The following SPEG variants were observed in gnomAD, a reference collection of about 807,000 sequenced individuals.
SPEG encodes striated muscle preferentially expressed protein kinase.
In SPEG, 114 loss-of-function variants were observed where a neutral mutation model predicts 300.4. That is an observed-to-expected ratio of 0.38 (90% CI 0.33 to 0.44). The LOEUF (loss-of-function observed/expected upper bound fraction) is 0.44, where lower values mean the gene tolerates loss of function less well. SPEG is among the 20% of genes least tolerant of loss of function. SPEG has a pLI of 1.00. For synonymous variants in SPEG, 1,964 were observed against 2,018.9 expected, an observed-to-expected ratio of 0.97 and a Z score of 0.73; for missense variants, 4,201 against 4,586.2, an observed-to-expected ratio of 0.92 and a Z score of 2.43.
At chr2:219,469,132 G>A in intron 12 of SPEG, 24 bp from the exon 13 acceptor site, 2 of 1,613,048 alleles carry the variant, frequency 1.2e-6, no homozygotes, top group East Asian at 2.2e-5. Context: ...CCCTGGGCCT[G>A]TGGGCAGCTG....
At chr2:219,454,686 G>T (rs950722244) in intron 6 of SPEG, among the ~76,000 whole-genome samples, 9 of 152,236 alleles carry the variant, frequency 5.9e-5, no homozygotes, top group Non-Finnish European at 1.0e-4. Flanking sequence ...CAGGCCAGCA[G>T]CCTTTATTTA....
Position 219,448,592 on chromosome 2 carries a change from C to A in SPEG, c.1434C>A (p.Asp478Glu). Residue 478 changes from aspartate to glutamate, a missense_variant, in exon 4 of 41, where the codon GAC becomes GAA. Physicochemically the swap from Asp to Glu is conservative, Grantham distance 45. Coordinates refer to ENST00000312358, the MANE Select transcript of SPEG (RefSeq NM_005876.5). ...RLFQQKAASL[D>E]ERTRQRSPAS... Reference sequence around the variant, plus strand: ...TCCAGCAGAAAGCGGCCTCGCTGGACGAGCGCACGCGTCAGCGCAGCCCGG... The same window carrying A: ...TCCAGCAGAAAGCGGCCTCGCTGGAAGAGCGCACGCGTCAGCGCAGCCCGG... The A allele has an allele frequency of 1.4e-6, 2 of 1,458,282 alleles. No homozygotes were observed. Among genetic ancestry groups the A allele is most frequent in the Admixed American group, 2.6e-5 (1 of 39,160 alleles). The allele number at this position is 1,458,282 out of a possible 1,614,324, so 90.3% of individuals were successfully genotyped here.
At chr2:219,482,912 T>TC in intron 29 of SPEG, 60 bp downstream of exon 29, 1 of 1,549,516 alleles carries the variant, frequency 6.5e-7, no homozygotes. Flanking sequence ...AGCACTGCCT[T>TC]CCCCCTCCCG....
At chr2:219,450,171 G>A (rs551963359) in intron 4 of SPEG, among the ~76,000 whole-genome samples, 1 of 152,210 alleles carries the variant, frequency 6.6e-6, no homozygotes, top group South Asian at 2.1e-4. Context: ...AGATAATTAG[G>A]CCCCTGTCCA....
Position 219,467,214 on chromosome 2 carries a change from G to A in SPEG, c.2922G>A (p.Leu974=), listed in dbSNP as rs746219743. ...ESRSLAVLAP[L]QDVDVGAGEM... ...GGTCCCTGGCCGTGCTGGCCCCCCT[G>A]CAGGACGTGGACGTGGGGGCCGGGG... is the stretch of plus-strand genomic sequence containing the variant. Residue 974 remains leucine (L), a synonymous_variant, in exon 10 of 41, where the codon CTG becomes CTA. Coordinates refer to ENST00000312358, the MANE Select transcript of SPEG (RefSeq NM_005876.5). 5.9e-5 allele frequency: 94 copies of A among 1,595,040 alleles called. No homozygotes were observed. In the South Asian group the frequency reaches 1.0e-3, roughly 17 times the overall value.
rs558863508 is a variant in SPEG at position 219,479,006 on chromosome 2, C to T, written c.5028-138C>T. Reference sequence around the variant, plus strand: ...TGGGGAGGGGGTACACGTGGAGGAGCGGAGAGGCAGTCTCTGGCTAGTATC... The same window carrying T: ...TGGGGAGGGGGTACACGTGGAGGAGTGGAGAGGCAGTCTCTGGCTAGTATC... On this transcript the variant is annotated intron_variant, in intron 22 of 40. Coordinates refer to ENST00000312358, the MANE Select transcript of SPEG (RefSeq NM_005876.5). The surrounding 1 kb of genome is among the most constrained non-coding windows in gnomAD (Gnocchi z 5.5). 35 of 718,666 alleles carry T rather than the reference C, an allele frequency of 4.9e-5. No homozygotes were observed. The highest frequency in any genetic ancestry group is 4.3e-4 in the African/African-American group (25 of 57,832). 44.5% of individuals were successfully genotyped at this position (718,666 alleles called of 1,614,324 possible).
rs1287557919 is a variant in SPEG, at chr2:219,464,621, T to G, written c.2881+13T>G. 2 of 1,611,500 alleles carry G rather than the reference T, an allele frequency of 1.2e-6. No homozygotes were observed. The highest frequency in any genetic ancestry group is 1.7e-6 in the Non-Finnish European group (2 of 1,177,972). ...TTGGAGGTCCGAGGTGAGTACCTGA[T>G]TTCTCCATGAATGCCCACCTGGCCC... On this transcript the variant is annotated intron_variant, in intron 9 of 40. Transcript: ENST00000312358. The surrounding 1 kb of genome is among the most constrained non-coding windows in gnomAD (Gnocchi z 4.5).
Position 219,448,603 on chromosome 2 carries a change from G to A in SPEG, c.1445G>A (p.Arg482His), listed in dbSNP as rs1689498421. Residue 482 changes from arginine (R) to histidine (H), a missense_variant, in exon 4 of 41, where the codon CGT (arginine) becomes CAT (histidine). This residue lies in a region of SPEG where 1,258 missense variants were observed against 1,293.9 expected (regional missense o/e 0.97). Transcript: ENST00000312358. ...QKAASLDERT[R>H]QRSPASDLEL... ...GCGGCCTCGCTGGACGAGCGCACGC[G>A]TCAGCGCAGCCCGGCCTCAGACCTC... 1.4e-6 allele frequency: 2 copies of A among 1,471,998 alleles called. No homozygotes were observed. The highest frequency in any genetic ancestry group is 2.6e-5 in the South Asian group (2 of 76,654). 91.2% of individuals were successfully genotyped at this position (1,471,998 alleles called of 1,614,324 possible).
At position 219,451,319 on chromosome 2, in the gene SPEG, G is replaced by T; in HGVS notation, c.2257+40G>T. The T allele has an allele frequency of 3.2e-6, 5 of 1,566,042 alleles. No homozygotes were observed. The highest frequency in any genetic ancestry group is 4.3e-6 in the Non-Finnish European group (5 of 1,158,790). ...TGGGCCAAGGTGCGGTCGAGGTTGG[G>T]AGGGGGTGTGTGAGAAGGGAAGGGG... On this transcript the variant is annotated intron_variant, in intron 5 of 40. Coordinates refer to ENST00000312358, the MANE Select transcript of SPEG (RefSeq NM_005876.5). This position sits in a 1 kb window ranked among gnomAD's most constrained non-coding sequence, Gnocchi z 6.4.
Position 219,488,289 on chromosome 2 carries a change from C to T in SPEG, c.7837C>T (p.Pro2613Ser), listed in dbSNP as rs755563939. Residue 2613 changes from proline (P) to serine (S), a missense_variant, in exon 32 of 41, where the codon CCG becomes TCG. Transcript: ENST00000312358. ...LLCLPAACPA[P>S]HISWMKDKKS... is the part of the protein sequence containing the mutation. ...CTGCCTGCCAGCGGCCTGCCCTGCA[C>T]CGCACATCTCCTGGATGAAAGGTAA... 4 of 1,611,922 alleles carry T rather than the reference C, an allele frequency of 2.5e-6. No homozygotes were observed. In the South Asian group the frequency reaches 4.4e-5, roughly 18 times the overall value.
At position 219,445,176 on chromosome 2, in the gene SPEG, T is replaced by C. The variant is rs766693578; in HGVS notation, c.815+15T>C. ...TCTATCCACGTGTAAGTAACGGCCTTACCTGGGCCTGAACTGCCCCATCTC... is the reference window on the plus strand; with the variant it reads ...TCTATCCACGTGTAAGTAACGGCCTCACCTGGGCCTGAACTGCCCCATCTC... On this transcript the variant is annotated intron_variant, in intron 3 of 40. Transcript: ENST00000312358. The surrounding 1 kb of genome is among the most constrained non-coding windows in gnomAD (Gnocchi z 6.1). 6.4e-6 allele frequency: 10 copies of C among 1,555,538 alleles called. No individual in the cohort carries two copies. In the African/African-American group the frequency reaches 1.4e-4, roughly 21 times the overall value.
intron 31 of SPEG, among the ~76,000 whole-genome samples, chr2:219,487,228 G>A (rs1424325293): frequency 6.6e-6 from 1 of 152,150 alleles, no homozygotes; most frequent in Non-Finnish European, 1.5e-5. Context: ...TACATTGGAG[G>A]AAGGAAAACT....
At chr2:219,446,444 G>C (rs913209189) in intron 3 of SPEG, among the ~76,000 whole-genome samples, 1 of 152,140 alleles carries the variant, frequency 6.6e-6, no homozygotes, top group African/African-American at 2.4e-5. Flanking sequence ...TGGGGACTCT[G>C]CGGCCCTTCC....
intron 6 of SPEG, chr2:219,461,082 A>G (rs886446675): frequency 3.3e-6 from 3 of 918,524 alleles, no homozygotes; most frequent in Non-Finnish European, 2.6e-6. Context: ...TCATGTCTGT[A>G]TTTGGCAGTC....
chr2:219,451,740 CT>C lies in SPEG; in HGVS notation c.2374del (p.Tyr792IlefsTer18), dbSNP rs1340168427. ...AGGCCAGGGCAGCAGATGCCGGGAG[CT>C]ATATGGCCACCGCCACCAACGAGCT... ...REARAADAGS[Y>X]MATATNELGQ... On this transcript the variant is annotated frameshift_variant, in exon 6 of 41. Coordinates refer to ENST00000312358, the MANE Select transcript of SPEG (RefSeq NM_005876.5). LOFTEE classifies it high-confidence loss of function. This position sits in a 1 kb window ranked among gnomAD's most constrained non-coding sequence, Gnocchi z 6.4. 1 of 1,560,400 alleles carries C rather than the reference CT, an allele frequency of 6.4e-7. No homozygotes were observed. Among genetic ancestry groups the C allele is most frequent in the Non-Finnish European group, 8.7e-7 (1 of 1,152,792 alleles).
In SPEG at chr2:219,484,710, G is replaced by A; in HGVS notation, c.7247G>A (p.Arg2416Gln). ...CGCCTCTCGCTGTCACTGTCCCAGC[G>A]GCTGCGGCGGACCCCTCCCGCGCAG... ...VRRLSLSLSQ[R>Q]LRRTPPAQRH... The change falls in exon 30 of 41, where the codon CGG (arginine) becomes CAG (glutamine). Residue 2416 changes from arginine (R) to glutamine (Q), a missense_variant. This residue lies in a region of SPEG where 1,578 missense variants were observed against 1,506.0 expected (regional missense o/e 1.05). Transcript: ENST00000312358. The A allele has an allele frequency of 1.3e-6, 2 of 1,505,870 alleles. No homozygotes were observed. The highest frequency in any genetic ancestry group is 1.8e-6 in the Non-Finnish European group (2 of 1,137,114). The allele number at this position is 1,505,870 out of a possible 1,614,324, so 93.3% of individuals were successfully genotyped here.
At chr2:219,471,351 C>T (rs1691856806) in intron 13 of SPEG, among the ~76,000 whole-genome samples, 1 of 152,160 alleles carries the variant, frequency 6.6e-6, no homozygotes, top group African/African-American at 2.4e-5. Context: ...GCAACAGAGA[C>T]GTGGCTGGCA....
chr2:219,492,752 A>G lies in SPEG; in HGVS notation c.9770A>G (p.Lys3257Arg), dbSNP rs1314396088. ...CGGGCTGAGGCTGCCACCCGCCACA[A>G]GGTGCTGCTGCGCTCCTACCCTGGC... ...RRRAEAATRHKVLLRSYPGGP is the reference protein window; with the variant it reads ...RRRAEAATRHRVLLRSYPGGP Residue 3257 changes from lysine to arginine, a missense_variant, in exon 41 of 41, where the codon AAG becomes AGG. Around this residue, in one of 4 missense-constraint regions of SPEG, gnomAD observed 318 missense variants for 429.5 expected, o/e 0.74. Coordinates refer to ENST00000312358, the MANE Select transcript of SPEG (RefSeq NM_005876.5). The G allele has an allele frequency of 6.2e-7, 1 of 1,601,410 alleles. No homozygotes were observed. Among genetic ancestry groups the G allele is most frequent in the Non-Finnish European group, 8.5e-7 (1 of 1,178,698 alleles).
At position 219,481,589 on chromosome 2, in the gene SPEG, C is replaced by T; in HGVS notation, c.5523-49C>T. ...AGCCCTGTTTGCTCAGTTATTGACT[C>T]ACTGATGACTGAACGATAAATCCCT... is the stretch of plus-strand genomic sequence containing the variant. On this transcript the variant is annotated intron_variant, in intron 27 of 40. Transcript: ENST00000312358. This position sits in a 1 kb window ranked among gnomAD's most constrained non-coding sequence, Gnocchi z 5.4. The T allele has an allele frequency of 6.2e-7, 1 of 1,604,792 alleles. No individual in the cohort carries two copies. The highest frequency in any genetic ancestry group is 2.2e-5 in the East Asian group (1 of 44,854).
Sources: gnomAD v4.1 joint callset for allele counts (sites outside exome capture counted in the v4.1 genomes callset) on GRCh38, gnomAD v4.1.1 for gene constraint, gnomAD v4.1.1 regional missense constraint, Gnocchi (gnomAD v3.1) non-coding constraint, MANE v1.5 for transcripts, NCBI Gene and HGNC (gene_info 2026-07-23, HGNC 2026-07-21) for gene names.